Variants in NEGR1 observed in about 807,000 individuals in gnomAD.
NEGR1 encodes the protein neuronal growth regulator 1.
Under a neutral mutation model 40.9 loss-of-function variants are expected in NEGR1, and 10 were observed. The observed-to-expected ratio is 0.24, with a 90% confidence interval of 0.15 to 0.42. NEGR1 has a LOEUF of 0.42. Ranked by LOEUF, NEGR1 falls within the 10% of genes least tolerant of loss-of-function variation. The pLI is 1.00. For missense variants in NEGR1, 352 were observed against 438.9 expected (o/e 0.80, Z 1.77); for synonymous variants, 185 against 166.8 (o/e 1.11, Z -0.84).
In NEGR1 at chr1:72,276,061, C is replaced by T. The variant is rs544907051; in HGVS notation, c.176+6258G>A. 1.1e-4 allele frequency among the ~76,000 whole-genome samples: 17 copies of T among 152,142 alleles called. No homozygotes were observed. In the South Asian group the frequency reaches 2.1e-3, roughly 19 times the overall value. On this transcript the variant is annotated intron_variant, in intron 1 of 6. Transcript: ENST00000357731. Reference sequence around the variant, plus strand: ...GCACTGAGCTATGATTGTGCCACTTCGCTCCAGCTTGGGGGACAGAGTGAG... The same window carrying T: ...GCACTGAGCTATGATTGTGCCACTTTGCTCCAGCTTGGGGGACAGAGTGAG...
chr1:71,974,223 T>C (rs1392741772), intron 1 of NEGR1, among the ~76,000 whole-genome samples: 1 of 152,222 alleles, frequency 6.6e-6, no homozygotes, highest in Non-Finnish European at 1.5e-5. Flanking sequence ...TTTTCCATAT[T>C]ACATTACTCA....
chr1:71,956,182 T>C (rs537431943), intron 1 of NEGR1, among the ~76,000 whole-genome samples: 6 of 152,280 alleles, frequency 3.9e-5, no homozygotes, highest in Non-Finnish European at 7.4e-5. Flanking sequence ...TCAACTTGAT[T>C]ACAGACACCT....
rs148486938 is a variant in NEGR1, at chr1:71,626,407, T to C, written c.668-15261A>G. Among the ~76,000 whole-genome samples, 495 of 131,710 alleles carry C rather than the reference T, an allele frequency of 3.8e-3. 2 individuals are homozygous for C. The highest frequency in any genetic ancestry group is 0.013 in the African/African-American group (471 of 35,458). 86.4% of individuals were successfully genotyped at this position (131,710 alleles called of 152,430 possible). ...CCCCGGTGTGTGATGTTCCCCTTCC[T>C]ATGTCCATGTATTCTCATTGTTCAA... On this transcript the variant is annotated intron_variant, in intron 4 of 6. Transcript: ENST00000357731.
intron 2 of NEGR1, among the ~76,000 whole-genome samples, chr1:71,894,676 T>A (rs1660915692): frequency 6.6e-6 from 1 of 152,226 alleles, no homozygotes; most frequent in Non-Finnish European, 1.5e-5. Flanking sequence ...CTTGTTAACT[T>A]CATAACACGC....
intron 1 of NEGR1, among the ~76,000 whole-genome samples, chr1:72,242,596 C>A (rs1654780940): frequency 6.6e-6 from 1 of 151,338 alleles, no homozygotes; most frequent in South Asian, 2.1e-4. Context: ...TACTATAAAC[C>A]AATAATTTAC....
rs1390671833 is a variant in NEGR1 at position 71,562,012 on chromosome 1, C to G, written c.940+30805G>C. On this transcript the variant is annotated intron_variant, in intron 6 of 6. Coordinates refer to ENST00000357731, the MANE Select transcript of NEGR1 (RefSeq NM_173808.3). ...CCTTTTTTAGAGGTCATTTTTGAAT[C>G]TGTTCCACTGGTGGTATGTAAGCTG... is the stretch of plus-strand genomic sequence containing the variant. 2.8e-5 allele frequency among the ~76,000 whole-genome samples: 4 copies of G among 143,686 alleles called. No individual in the cohort carries two copies. In the South Asian group the frequency reaches 6.7e-4, roughly 24 times the overall value. The allele number at this position is 143,686 out of a possible 152,430, so 94.3% of individuals were successfully genotyped here.
intron 2 of NEGR1, among the ~76,000 whole-genome samples, chr1:71,838,535 G>C (rs535990190): frequency 1.9e-4 from 29 of 152,212 alleles, no homozygotes; most frequent in African/African-American, 7.0e-4. Context: ...CCATTAGAAA[G>C]TTCTTAGGTT....
intron 1 of NEGR1, among the ~76,000 whole-genome samples, chr1:72,253,211 C>T (rs758062040): frequency 5.9e-5 from 9 of 152,114 alleles, no homozygotes; most frequent in African/African-American, 4.8e-5. Context: ...TCATCTCTTC[C>T]TATTGTCAAC....
intron 6 of NEGR1, among the ~76,000 whole-genome samples, chr1:71,418,644 A>C (rs1646372906): frequency 6.6e-6 from 1 of 152,010 alleles, no homozygotes; most frequent in Admixed American, 6.6e-5. Flanking sequence ...ATTTCTCCTT[A>C]AGAAGAAATG....
At position 71,939,261 on chromosome 1, in the gene NEGR1, G is replaced by A. The variant is rs1175222963; in HGVS notation, c.177-3950C>T. ...TAATGTATTAAACAGCAAAAATAGC[G>A]CGACTGTTCCCACACTCCCTTTATA... is the stretch of plus-strand genomic sequence containing the variant. On this transcript the variant is annotated intron_variant, in intron 1 of 6. Coordinates refer to ENST00000357731, the MANE Select transcript of NEGR1 (RefSeq NM_173808.3). Among the ~76,000 whole-genome samples, 3 of 151,990 alleles carry A rather than the reference G, an allele frequency of 2.0e-5. No homozygotes were observed. The East Asian group carries it at 5.8e-4, about 29-fold the overall frequency.
At chr1:71,650,499 G>T (rs1651675786) in intron 4 of NEGR1, among the ~76,000 whole-genome samples, 1 of 152,144 alleles carries the variant, frequency 6.6e-6, no homozygotes, top group Non-Finnish European at 1.5e-5. Flanking sequence ...ATGCAAAAAT[G>T]ACCAATTTTG....
chr1:71,645,776 T>C (rs928336211), intron 4 of NEGR1, among the ~76,000 whole-genome samples: 2 of 151,702 alleles, frequency 1.3e-5, no homozygotes, highest in Admixed American at 6.6e-5. Context: ...TTAGGTACAG[T>C]AGGAAAAATG....
intron 1 of NEGR1, among the ~76,000 whole-genome samples, chr1:71,957,585 A>C (rs1184579560): frequency 1.3e-5 from 2 of 152,186 alleles, no homozygotes; most frequent in African/African-American, 4.8e-5. Context: ...TATAGCAATT[A>C]AGGCCTTTGT....
At chr1:71,415,371 C>CAGCA (rs1646348499) in intron 6 of NEGR1, among the ~76,000 whole-genome samples, 1 of 152,004 alleles carries the variant, frequency 6.6e-6, no homozygotes, top group African/African-American at 2.4e-5. Flanking sequence ...TCTGGCCGAC[C>CAGCA]AGCATCCTTA....
chr1:71,410,611 T>C (rs1488443852), intron 6 of NEGR1, among the ~76,000 whole-genome samples: 1 of 152,208 alleles, frequency 6.6e-6, no homozygotes, highest in Non-Finnish European at 1.5e-5. Flanking sequence ...AATACAATGA[T>C]ATACATACTT....
intron 6 of NEGR1, chr1:71,422,381 G>C (rs1158139901): frequency 6.6e-6 from 1 of 152,174 alleles, no homozygotes; most frequent in Non-Finnish European, 1.5e-5. Context: ...AATTTGTATG[G>C]TTCAGAATGT....
chr1:72,249,070 G>A (rs963037967), intron 1 of NEGR1, among the ~76,000 whole-genome samples: 1 of 152,172 alleles, frequency 6.6e-6, no homozygotes, highest in African/African-American at 2.4e-5. Flanking sequence ...ACCTATGTGA[G>A]GGTATCAGGA....
At chr1:71,593,544 A>G (rs1332604195) in intron 5 of NEGR1, among the ~76,000 whole-genome samples, 1 of 152,206 alleles carries the variant, frequency 6.6e-6, no homozygotes, top group Non-Finnish European at 1.5e-5. Flanking sequence ...TGGAGATAGC[A>G]TTTAAAGTTG....
At chr1:72,235,398 T>C (rs141753510) in intron 1 of NEGR1, among the ~76,000 whole-genome samples, 53 of 152,128 alleles carry the variant, frequency 3.5e-4, no homozygotes, top group African/African-American at 1.2e-3. Context: ...ACTGATAGTT[T>C]TCGAATGGGG....
Sources: allele counts gnomAD v4.1 joint callset (sites outside exome capture counted in the v4.1 genomes callset), GRCh38; gene constraint gnomAD v4.1.1; transcripts MANE v1.5; gene names NCBI Gene and HGNC (gene_info 2026-07-23, HGNC 2026-07-21).